Variants in EFNA5 observed in about 807,000 individuals in gnomAD.
The protein encoded by EFNA5 is ephrin-A5.
Under a neutral mutation model 22.9 loss-of-function variants are expected in EFNA5, and 5 were observed. The ratio of observed to expected loss-of-function variants is 0.22; its 90% CI spans 0.11 to 0.46. EFNA5 has a LOEUF of 0.46. Ranked by LOEUF, EFNA5 falls within the 20% of genes least tolerant of loss-of-function variation. The pLI is 0.99. For missense variants in EFNA5, 237 were observed against 293.3 expected (o/e 0.81, Z 1.40); for synonymous variants, 113 against 112.2 (o/e 1.01, Z -0.04).
intron 1 of EFNA5, among the ~76,000 whole-genome samples, chr5:107,547,277 T>A (rs1300941022): frequency 6.6e-6 from 1 of 152,142 alleles, no homozygotes; most frequent in African/African-American, 2.4e-5. Flanking sequence ...CATTTTCCCA[T>A]AGATGCCAGT....
At chr5:107,560,283 C>T (rs1319826611) in intron 1 of EFNA5, among the ~76,000 whole-genome samples, 1 of 151,928 alleles carries the variant, frequency 6.6e-6, no homozygotes, top group Non-Finnish European at 1.5e-5. Flanking sequence ...AAGCAACAGG[C>T]CAATTAAGGC....
chr5:107,459,438 T>C (rs1338112941), intron 1 of EFNA5, among the ~76,000 whole-genome samples: 1 of 145,236 alleles, frequency 6.9e-6, no homozygotes, highest in Non-Finnish European at 1.5e-5. Flanking sequence ...TACAGAAAAA[T>C]AGATGGTTAA....
At chr5:107,450,611 C>A (rs890629145) in intron 1 of EFNA5, among the ~76,000 whole-genome samples, 2 of 152,150 alleles carry the variant, frequency 1.3e-5, no homozygotes, top group African/African-American at 2.4e-5. Context: ...AAACACTGAG[C>A]AATTAGAGGG....
At chr5:107,479,522 G>A (rs370748685) in intron 1 of EFNA5, among the ~76,000 whole-genome samples, 8 of 151,694 alleles carry the variant, frequency 5.3e-5, no homozygotes, top group East Asian at 3.9e-4. Context: ...ATTTACTGTC[G>A]CTGTGGGTTT....
At chr5:107,501,555 C>G (rs1194928155) in intron 1 of EFNA5, among the ~76,000 whole-genome samples, 1 of 152,180 alleles carries the variant, frequency 6.6e-6, no homozygotes, top group African/African-American at 2.4e-5. Flanking sequence ...TTTTCTCATT[C>G]AACATTTGTG....
intron 2 of EFNA5, among the ~76,000 whole-genome samples, chr5:107,409,431 C>T (rs1435606981): frequency 3.3e-5 from 5 of 152,132 alleles, no homozygotes; most frequent in Non-Finnish European, 7.4e-5. Flanking sequence ...TAGGATAATG[C>T]CTTCTGTCCC....
At chr5:107,625,584 AG>A (rs1250526735) in intron 1 of EFNA5, among the ~76,000 whole-genome samples, 2 of 152,168 alleles carry the variant, frequency 1.3e-5, no homozygotes, top group Admixed American at 6.5e-5. Context: ...ATTATTCCAA[AG>A]CTAATATTGC....
At chr5:107,595,862 T>A (rs886075817) in intron 1 of EFNA5, among the ~76,000 whole-genome samples, 16 of 152,250 alleles carry the variant, frequency 1.1e-4, no homozygotes, top group African/African-American at 3.9e-4. Flanking sequence ...GGCATCTACA[T>A]ACCCAATAAA....
intron 1 of EFNA5, among the ~76,000 whole-genome samples, chr5:107,482,426 G>GA (rs1750494534): frequency 6.6e-6 from 1 of 152,086 alleles, no homozygotes; most frequent in African/African-American, 2.4e-5. Flanking sequence ...TTAAGACAAG[G>GA]AAATAGTTCT....
chr5:107,468,114 T>C (rs1302555654), intron 1 of EFNA5, among the ~76,000 whole-genome samples: 1 of 152,120 alleles, frequency 6.6e-6, no homozygotes, highest in Non-Finnish European at 1.5e-5. Flanking sequence ...AAAAGCAGAG[T>C]TATGCAAAAT....
At chr5:107,405,900 T>A (rs563630531) in intron 2 of EFNA5, among the ~76,000 whole-genome samples, 38 of 147,904 alleles carry the variant, frequency 2.6e-4, no homozygotes, top group African/African-American at 4.7e-4. Flanking sequence ...TTCTATGTAT[T>A]TATATACATA....
At chr5:107,557,228 G>A (rs1748440811) in intron 1 of EFNA5, among the ~76,000 whole-genome samples, 3 of 152,084 alleles carry the variant, frequency 2.0e-5, no homozygotes, top group Admixed American at 1.3e-4. Flanking sequence ...TGCCTGGTAC[G>A]TGGGAGGTGC....
chr5:107,382,764 C>G (rs1747505160), intron 4 of EFNA5, among the ~76,000 whole-genome samples: 1 of 152,114 alleles, frequency 6.6e-6, no homozygotes, highest in Non-Finnish European at 1.5e-5. Flanking sequence ...AGGGTAACTT[C>G]CTGCAGGTGT....
intron 1 of EFNA5, among the ~76,000 whole-genome samples, chr5:107,582,419 T>G (rs1183111764): frequency 6.6e-6 from 1 of 152,192 alleles, no homozygotes; most frequent in Non-Finnish European, 1.5e-5. Context: ...AAATAGTAAG[T>G]GATTCAATAA....
chr5:107,670,474 C>T lies in EFNA5; in HGVS notation c.125+15G>A. The T allele has an allele frequency of 6.4e-7, 1 of 1,554,034 alleles. No homozygotes were observed. ...GGCCCGGGTAGCCCTGGCTCTCCGCCTGTTATCGGCTTACCTGGGGTTGCT... is the reference window on the plus strand; with the variant it reads ...GGCCCGGGTAGCCCTGGCTCTCCGCTTGTTATCGGCTTACCTGGGGTTGCT... On this transcript the variant is annotated intron_variant, in intron 1 of 4. Coordinates refer to ENST00000333274, the MANE Select transcript of EFNA5 (RefSeq NM_001962.3).
chr5:107,491,888 G>A (rs894790025), intron 1 of EFNA5, among the ~76,000 whole-genome samples: 2 of 152,142 alleles, frequency 1.3e-5, no homozygotes, highest in African/African-American at 4.8e-5. Context: ...GCTAGAGTGT[G>A]CAGTGGTGCA....
chr5:107,569,399 GTA>G lies in EFNA5; in HGVS notation c.125+101088_125+101089del, dbSNP rs199626096. The stretch of plus-strand genomic sequence containing the variant: ...TATATATATTTTTATGTATATGTGT[GTA>G]TATATATATATATTTATGTATATGT... On this transcript the variant is annotated intron_variant, in intron 1 of 4. Coordinates refer to ENST00000333274, the MANE Select transcript of EFNA5 (RefSeq NM_001962.3). Among the ~76,000 whole-genome samples the G allele has an allele frequency of 7.5e-3, 959 of 127,694 alleles. 14 individuals are homozygous for G. Among genetic ancestry groups the G allele is most frequent in the East Asian group, 0.052 (252 of 4,846 alleles). The allele number at this position is 127,694 out of a possible 152,430, so 83.8% of individuals were successfully genotyped here. A position where few individuals can be genotyped will look rare whatever the true frequency, so the allele number is the denominator to read the frequency against.
At chr5:107,503,201 T>A (rs934540501) in intron 1 of EFNA5, among the ~76,000 whole-genome samples, 2 of 152,134 alleles carry the variant, frequency 1.3e-5, no homozygotes, top group African/African-American at 4.8e-5. Context: ...CCCCTCAAGA[T>A]CAAAGCTTCC....
chr5:107,394,437 A>G (rs1294164757), intron 2 of EFNA5, among the ~76,000 whole-genome samples: 1 of 152,206 alleles, frequency 6.6e-6, no homozygotes, highest in Non-Finnish European at 1.5e-5. Flanking sequence ...AACCAGAATA[A>G]GAAAAGGGAT....
Sources: allele counts gnomAD v4.1 joint callset (sites outside exome capture counted in the v4.1 genomes callset), GRCh38; gene constraint gnomAD v4.1.1; transcripts MANE v1.5; gene names NCBI Gene and HGNC (gene_info 2026-07-23, HGNC 2026-07-21).